The following MSI2 variants were observed in gnomAD, a reference collection of about 807,000 sequenced individuals.
The protein encoded by MSI2 is RNA-binding protein Musashi homolog 2.
A neutral mutation model predicts 45.6 loss-of-function variants in MSI2; 17 were observed. The observed-to-expected ratio is 0.37, with a 90% CI of 0.26 to 0.56. The LOEUF (loss-of-function observed/expected upper bound fraction) is 0.56, where lower values mean the gene tolerates loss of function less well. MSI2 is among the 20% of genes least tolerant of loss of function. The pLI is 0.77. For synonymous variants in MSI2, 156 were observed against 158.2 expected, an observed-to-expected ratio of 0.99 and a Z score of 0.11; for missense variants, 293 against 444.2, an observed-to-expected ratio of 0.66 and a Z score of 3.06.
intron 6 of MSI2, among the ~76,000 whole-genome samples, chr17:57,431,794 T>C (rs962241861): frequency 2.6e-5 from 4 of 152,178 alleles, no homozygotes; most frequent in African/African-American, 9.7e-5. Context: ...AAGCTCTGAT[T>C]TGTTGGGGAG....
the MSI2 span, among the ~76,000 whole-genome samples, chr17:57,691,198 C>CA: frequency 1.8e-3 from 216 of 118,956 alleles, no homozygotes; most frequent in African/African-American, 5.7e-3. Flanking sequence ...CTCTCTCTCT[C>CA]TCATCTATCT....
At chr17:57,471,508 A>T (rs1009635252) in intron 6 of MSI2, among the ~76,000 whole-genome samples, 3 of 151,920 alleles carry the variant, frequency 2.0e-5, no homozygotes, top group African/African-American at 7.3e-5. Context: ...CTTGAACTTT[A>T]TGGAGCACTT....
chr17:57,270,653 C>T (rs148984585), intron 5 of MSI2, among the ~76,000 whole-genome samples: 88 of 152,280 alleles, frequency 5.8e-4, no homozygotes, highest in African/African-American at 2.0e-3. Context: ...GGATAGCAAC[C>T]GTCCCTCCAT....
chr17:57,304,094 C>T (rs1911657311), intron 5 of MSI2, among the ~76,000 whole-genome samples: 1 of 152,176 alleles, frequency 6.6e-6, no homozygotes, highest in African/African-American at 2.4e-5. Context: ...CGCCATGGCT[C>T]ACGCCTGTAA....
At chr17:57,435,916 T>C (rs1300521027) in intron 6 of MSI2, among the ~76,000 whole-genome samples, 1 of 152,184 alleles carries the variant, frequency 6.6e-6, no homozygotes, top group East Asian at 1.9e-4. Context: ...GGATTTGCTC[T>C]ACTATACACA....
At chr17:57,504,469 C>T (rs899760624) in intron 6 of MSI2, among the ~76,000 whole-genome samples, 19 of 152,176 alleles carry the variant, frequency 1.2e-4, no homozygotes, top group Non-Finnish European at 2.6e-4. Context: ...GGGTAGCTTG[C>T]CTCGGGCCAT....
chr17:57,492,655 G>C (rs1003584831), intron 6 of MSI2, among the ~76,000 whole-genome samples: 1 of 152,034 alleles, frequency 6.6e-6, no homozygotes, highest in East Asian at 1.9e-4. Flanking sequence ...TGTTGCCCAG[G>C]CTGTAGTGCA....
intron 9 of MSI2, chr17:57,625,566 T>G (rs1908720863): frequency 6.6e-6 from 1 of 152,140 alleles, no homozygotes; most frequent in Non-Finnish European, 1.5e-5. Flanking sequence ...CCCAGAGCTG[T>G]GTGTAGGGAT....
At chr17:57,621,698 A>G (rs9905045) in intron 9 of MSI2, among the ~76,000 whole-genome samples, 37,709 of 152,224 alleles carry the variant, frequency 0.25, 4,818 homozygotes, top group East Asian at 0.39. Flanking sequence ...CAGTTATTCT[A>G]TCTTGATCTC....
intron 5 of MSI2, among the ~76,000 whole-genome samples, chr17:57,287,826 C>T (rs1380517928): frequency 2.0e-5 from 3 of 152,140 alleles, no homozygotes; most frequent in Non-Finnish European, 2.9e-5. Flanking sequence ...TGCCATTGTG[C>T]GTAAGGAGTG....
intron 5 of MSI2, among the ~76,000 whole-genome samples, chr17:57,398,769 T>G (rs2083936055): frequency 6.6e-6 from 1 of 152,264 alleles, no homozygotes; most frequent in South Asian, 2.1e-4. Flanking sequence ...ACATTCCACA[T>G]TCTATTAGAA....
chr17:57,310,225 C>T (rs1176297039), intron 5 of MSI2, among the ~76,000 whole-genome samples: 1 of 152,214 alleles, frequency 6.6e-6, no homozygotes, highest in Non-Finnish European at 1.5e-5. Flanking sequence ...CTTGGGGCAG[C>T]TAGCACATTG....
chr17:57,363,600 G>A (rs1425024941), intron 5 of MSI2, among the ~76,000 whole-genome samples: 1 of 152,176 alleles, frequency 6.6e-6, no homozygotes, highest in Non-Finnish European at 1.5e-5. Flanking sequence ...TTAGCTGGGT[G>A]TGGTGGCGCA....
At chr17:57,672,217 A>C (rs1912847629) in intron 11 of MSI2, among the ~76,000 whole-genome samples, 1 of 152,218 alleles carries the variant, frequency 6.6e-6, no homozygotes, top group Non-Finnish European at 1.5e-5. Flanking sequence ...CTGCATTCTA[A>C]TACAGTGTCT....
intron 11 of MSI2, among the ~76,000 whole-genome samples, chr17:57,673,892 A>G (rs978730259): frequency 6.6e-6 from 1 of 151,878 alleles, no homozygotes; most frequent in South Asian, 2.1e-4. Context: ...TTGGTCAGCT[A>G]TGGTTTAGCT....
intron 6 of MSI2, among the ~76,000 whole-genome samples, chr17:57,424,235 A>G (rs1362988079): frequency 2.0e-5 from 3 of 152,232 alleles, no homozygotes; most frequent in Non-Finnish European, 4.4e-5. Flanking sequence ...ATGAATCAGG[A>G]TGAGAAAAAT....
intron 5 of MSI2, among the ~76,000 whole-genome samples, chr17:57,317,761 G>T (rs1292401624): frequency 6.6e-6 from 1 of 152,200 alleles, no homozygotes; most frequent in Non-Finnish European, 1.5e-5. Flanking sequence ...TACACAGCCA[G>T]CAAACGCAGA....
intron 10 of MSI2, among the ~76,000 whole-genome samples, chr17:57,647,897 C>T (rs1177050309): frequency 1.4e-5 from 2 of 146,674 alleles, no homozygotes; most frequent in Admixed American, 6.9e-5. Flanking sequence ...CCGCCTCAGC[C>T]TCCCAAAGTG....
chr17:57,499,978 A>G (rs964825818), intron 6 of MSI2, among the ~76,000 whole-genome samples: 5 of 152,102 alleles, frequency 3.3e-5, no homozygotes, highest in African/African-American at 1.2e-4. Flanking sequence ...AGGTCAAACA[A>G]CACAAGTGAG....
Sources: allele counts gnomAD v4.1 joint callset (sites outside exome capture counted in the v4.1 genomes callset), GRCh38; gene constraint gnomAD v4.1.1; transcripts MANE v1.5; gene names NCBI Gene and HGNC (gene_info 2026-07-23, HGNC 2026-07-21).